Variants in UBR1 observed in about 807,000 individuals in gnomAD.
UBR1 encodes the protein E3 ubiquitin-protein ligase UBR1.
A neutral mutation model predicts 242.1 loss-of-function variants in UBR1; 102 were observed. That is an observed-to-expected ratio of 0.42 (90% CI 0.36 to 0.50). The LOEUF (loss-of-function observed/expected upper bound fraction) is 0.50. UBR1 is among the 20% of genes least tolerant of loss of function. The pLI is 0.01. For synonymous variants in UBR1, 675 were observed against 684.8 expected (o/e 0.99, Z 0.22); for missense variants, 1,772 against 2,101.8 (o/e 0.84, Z 3.07).
chr15:42,958,035 G>A lies in UBR1; in HGVS notation c.4813C>T (p.Leu1605=), dbSNP rs1472758012. 1 of 1,613,574 alleles carries A rather than the reference G, an allele frequency of 6.2e-7. No homozygotes were observed. The highest frequency in any genetic ancestry group is 1.7e-5 in the Admixed American group (1 of 60,032). The change falls in exon 44 of 47, where the codon CTG becomes TTG. Residue 1605 remains leucine (L), a synonymous_variant. Coordinates refer to ENST00000290650, the MANE Select transcript of UBR1 (RefSeq NM_174916.3). ...TACCTGAAATGAGAAGCTTGATTCA[G>A]GAGGCAGCTATAGTCATCAGGAAGC... ...IELPDDYSCL[L]NQASHFRCPR...
intron 44 of UBR1, 46 bp from the exon 45 acceptor site, chr15:42,952,494 A>C (rs1170562587): frequency 3.1e-6 from 5 of 1,603,186 alleles, no homozygotes; most frequent in Non-Finnish European, 4.3e-6. Flanking sequence ...AAAACAAAAC[A>C]AAACAAATAA....
Position 43,022,808 on chromosome 15 carries a change from G to C in UBR1, c.2740-7C>G. The C allele has an allele frequency of 6.3e-7, 1 of 1,587,984 alleles. No individual in the cohort carries two copies. The highest frequency in any genetic ancestry group is 8.6e-7 in the Non-Finnish European group (1 of 1,157,856). The stretch of plus-strand genomic sequence containing the variant: ...ATGCCAGAATATGAAAAGCCTGAAG[G>C]AGGAAAATAAGAGATCTTTAAAATT... On this transcript the variant is annotated splice_region_variant and splice_polypyrimidine_tract_variant and intron_variant, in intron 25 of 46. Transcript: ENST00000290650.
chr15:43,083,108 G>A (rs1368446240), intron 2 of UBR1, among the ~76,000 whole-genome samples: 1 of 152,116 alleles, frequency 6.6e-6, no homozygotes, highest in Non-Finnish European at 1.5e-5. Flanking sequence ...ATTGCTCATT[G>A]TTAAATGAGG....
At chr15:43,032,698 TG>T in intron 19 of UBR1, 67 bp from the exon 20 acceptor site, 1 of 960,334 alleles carries the variant, frequency 1.0e-6, no homozygotes, top group Non-Finnish European at 1.6e-6. Flanking sequence ...CATGCATTTC[TG>T]GACGAGACTC....
intron 41 of UBR1, 61 bp downstream of exon 41, chr15:42,966,092 T>C (rs1482381173): frequency 6.2e-7 from 1 of 1,611,544 alleles, no homozygotes; most frequent in East Asian, 2.2e-5. Context: ...TTCATGAGCT[T>C]GAAGGTAAGA....
At chr15:43,000,303 T>TTA (rs2032704025) in intron 32 of UBR1, among the ~76,000 whole-genome samples, 1 of 152,236 alleles carries the variant, frequency 6.6e-6, no homozygotes, top group South Asian at 2.1e-4. Context: ...TAAGAGACCT[T>TTA]TAACTAGTTC....
At chr15:43,032,725 TAGTATTTTTCATCCAGTCC>T (rs1234204576) in intron 19 of UBR1, 94 bp from the exon 20 acceptor site, 43 of 759,246 alleles carry the variant, frequency 5.7e-5, no homozygotes, top group Non-Finnish European at 9.3e-5. Context: ...CCATCCAGCC[TAGTATTTTTCATCCAGTCC>T]AGTATTTTTT....
chr15:43,040,640 C>T (rs530024415), intron 15 of UBR1, among the ~76,000 whole-genome samples: 3 of 152,154 alleles, frequency 2.0e-5, no homozygotes, highest in Non-Finnish European at 2.9e-5. Context: ...AAGAAACTAC[C>T]GTCAGAGTGA....
intron 4 of UBR1, among the ~76,000 whole-genome samples, chr15:43,073,934 A>G (rs1299340157): frequency 6.6e-6 from 1 of 152,224 alleles, no homozygotes; most frequent in African/African-American, 2.4e-5. Flanking sequence ...CTTTAGGGAT[A>G]TCCACAACAG....
chr15:43,087,240 C>T (rs962470433), intron 1 of UBR1, among the ~76,000 whole-genome samples: 2 of 151,962 alleles, frequency 1.3e-5, no homozygotes, highest in African/African-American at 2.4e-5. Flanking sequence ...CCCGCCTCTA[C>T]TAAAAATACA....
In UBR1 at chr15:43,036,534, C is replaced by A. The variant is rs1415129792; in HGVS notation, c.2082G>T (p.Met694Ile). The stretch of plus-strand genomic sequence containing the variant: ...AAACAATTTAAATAGGTACCTGAAG[C>A]ATGATGATATCTTTATCATACATTT... The part of the protein sequence containing the change: ...REEMYDKDII[M>I]LQIGASLMDP... Residue 694 changes from methionine (M) to isoleucine (I), a missense_variant, in exon 18 of 47, where the codon ATG (methionine) becomes ATT (isoleucine). This residue lies in a region of UBR1 where 734 missense variants were observed against 893.3 expected (regional missense o/e 0.82). Transcript: ENST00000290650. 3.8e-6 allele frequency: 6 copies of A among 1,595,528 alleles called. No individual in the cohort carries two copies. Among genetic ancestry groups the A allele is most frequent in the Non-Finnish European group, 5.2e-6 (6 of 1,163,648 alleles).
chr15:43,079,842 T>C (rs1248797907), intron 3 of UBR1, among the ~76,000 whole-genome samples: 1 of 152,132 alleles, frequency 6.6e-6, no homozygotes, highest in Non-Finnish European at 1.5e-5. Flanking sequence ...AAAGATGAGA[T>C]ATCATAATGA....
intron 46 of UBR1, among the ~76,000 whole-genome samples, chr15:42,946,056 C>T (rs147557349): frequency 5.3e-5 from 8 of 152,280 alleles, no homozygotes; most frequent in South Asian, 2.1e-4. Context: ...TTGCCAGTAA[C>T]GGAGAACTGT....
intron 2 of UBR1, among the ~76,000 whole-genome samples, chr15:43,084,076 C>T (rs1384718496): frequency 6.6e-6 from 1 of 151,982 alleles, no homozygotes; most frequent in African/African-American, 2.4e-5. Flanking sequence ...AAAACAACAA[C>T]TTAAAAAGCT....
At chr15:43,009,613 G>C (rs1322516146) in intron 29 of UBR1, among the ~76,000 whole-genome samples, 3 of 152,188 alleles carry the variant, frequency 2.0e-5, no homozygotes, top group Admixed American at 6.5e-5. Context: ...AGGATCCTGT[G>C]ATACTTCCAC....
intron 33 of UBR1, among the ~76,000 whole-genome samples, chr15:42,993,714 C>A (rs575489385): frequency 1.3e-5 from 2 of 151,660 alleles, no homozygotes; most frequent in African/African-American, 4.8e-5. Context: ...GTGTTGGTGG[C>A]GGGCAACCAA....
Position 43,036,514 on chromosome 15 carries a change from AT to A in UBR1, c.2088+13del, listed in dbSNP as rs750453976. 6.4e-7 allele frequency: 1 copy of A among 1,566,476 alleles called. No individual in the cohort carries two copies. Among genetic ancestry groups the A allele is most frequent in the Non-Finnish European group, 8.8e-7 (1 of 1,137,394 alleles). ...GATGAAGACACAAATATCAGAAACA[AT>A]TTAAATAGGTACCTGAAGCATGATG... On this transcript the variant is annotated intron_variant, in intron 18 of 46. Transcript: ENST00000290650.
intron 30 of UBR1, among the ~76,000 whole-genome samples, chr15:43,004,498 C>T (rs900871593): frequency 6.6e-6 from 1 of 152,200 alleles, no homozygotes; most frequent in Non-Finnish European, 1.5e-5. Context: ...CCTGCCTCAG[C>T]CTGCAGAGTG....
At chr15:43,099,386 T>C (rs2034199792) in intron 1 of UBR1, among the ~76,000 whole-genome samples, 1 of 152,124 alleles carries the variant, frequency 6.6e-6, no homozygotes, top group Non-Finnish European at 1.5e-5. Context: ...TTTTCTTTGA[T>C]TTCCATAATG....
Sources: gnomAD v4.1 joint callset for allele counts (sites outside exome capture counted in the v4.1 genomes callset) on GRCh38, gnomAD v4.1.1 for gene constraint, gnomAD v4.1.1 regional missense constraint, MANE v1.5 for transcripts, NCBI Gene and HGNC (gene_info 2026-07-23, HGNC 2026-07-21) for gene names.